The following USP34 variants were observed in gnomAD, a reference collection of about 807,000 sequenced individuals.
USP34 encodes the protein ubiquitin carboxyl-terminal hydrolase 34.
Under a neutral mutation model 460.3 loss-of-function variants are expected in USP34, and 70 were observed. The ratio of observed to expected loss-of-function variants is 0.15; its 90% CI spans 0.13 to 0.19. The LOEUF is 0.19. Ranked by LOEUF, USP34 falls within the 10% of genes least tolerant of loss-of-function variation. The pLI is 1.00. For synonymous variants in USP34, 1,647 were observed against 1,405.3 expected (o/e 1.17, Z -3.85); for missense variants, 3,985 against 4,236.2 (o/e 0.94, Z 1.65).
intron 1 of USP34, among the ~76,000 whole-genome samples, chr2:61,459,602 C>T (rs1026019593): frequency 6.6e-6 from 1 of 151,952 alleles, no homozygotes; most frequent in African/African-American, 2.4e-5. Flanking sequence ...CGGTGAAACC[C>T]CGTCTCTACT....
chr2:61,415,350 G>T (rs1208019809), intron 2 of USP34, among the ~76,000 whole-genome samples: 6 of 152,128 alleles, frequency 3.9e-5, no homozygotes, highest in Non-Finnish European at 1.5e-5. Context: ...TTAACTGAAT[G>T]AAAAGACAGT....
chr2:61,259,887 G>A (rs1417430061), intron 43 of USP34, 111 bp from the exon 44 acceptor site: 12 of 927,640 alleles, frequency 1.3e-5, no homozygotes, highest in Non-Finnish European at 1.7e-5. Context: ...CATTCTTTTG[G>A]CTATATAAAA....
At chr2:61,450,886 C>A (rs369815780) in intron 1 of USP34, among the ~76,000 whole-genome samples, 225 of 127,164 alleles carry the variant, frequency 1.8e-3, no homozygotes, top group Admixed American at 2.1e-3. Context: ...GGAGGAGATG[C>A]AAAAAAAAAA....
Position 61,350,632 on chromosome 2 carries a change from G to T in USP34, c.1313C>A (p.Pro438His). 1 of 1,613,716 alleles carries T rather than the reference G, an allele frequency of 6.2e-7. No individual in the cohort carries two copies. Among genetic ancestry groups the T allele is most frequent in the Non-Finnish European group, 8.5e-7 (1 of 1,179,840 alleles). ...ATTAAGTAGATGTCTAAGTGGTACG[G>T]GATCCAAATTCTTGATGAGTGAAGG... ...LFPSLIKNLD[P>H]VPLRHLLNLV... Residue 438 changes from proline to histidine, a missense_variant, in exon 11 of 80, where the codon CCC becomes CAC. Coordinates refer to ENST00000398571, the MANE Select transcript of USP34 (RefSeq NM_014709.4).
intron 75 of USP34, among the ~76,000 whole-genome samples, chr2:61,202,000 T>A (rs943368962): frequency 6.6e-6 from 1 of 152,118 alleles, no homozygotes; most frequent in Non-Finnish European, 1.5e-5. Context: ...TATATTCTCA[T>A]CCCCCTACAT....
At chr2:61,223,939 T>A (rs1572848642) in intron 62 of USP34, among the ~76,000 whole-genome samples, 1 of 152,198 alleles carries the variant, frequency 6.6e-6, no homozygotes, top group Admixed American at 6.5e-5. Flanking sequence ...CTTGTTTCAT[T>A]TGAACCCCCA....
At chr2:61,467,901 G>C (rs189966841) in intron 1 of USP34, among the ~76,000 whole-genome samples, 1 of 152,030 alleles carries the variant, frequency 6.6e-6, no homozygotes, top group South Asian at 2.1e-4. Flanking sequence ...GAATACAGGC[G>C]TGAGCTGTAT....
At chr2:61,339,714 AGAG>A in intron 16 of USP34, 33 bp from the exon 17 acceptor site, 1 of 1,184,576 alleles carries the variant, frequency 8.4e-7, no homozygotes, top group Non-Finnish European at 1.1e-6. Flanking sequence ...GACACACTAT[AGAG>A]AAATGCAGCT....
intron 30 of USP34, among the ~76,000 whole-genome samples, chr2:61,296,084 C>G (rs1301403978): frequency 6.6e-6 from 1 of 151,924 alleles, no homozygotes; most frequent in Non-Finnish European, 1.5e-5. Context: ...AACGGTGAAA[C>G]CCTGTCTCTA....
At chr2:61,406,175 G>A (rs1573009972) in intron 2 of USP34, 47 bp from the exon 3 acceptor site, 3 of 1,386,688 alleles carry the variant, frequency 2.2e-6, no homozygotes, top group Non-Finnish European at 2.9e-6. Context: ...AGCAGCAGCT[G>A]TATTTTTTAA....
At chr2:61,359,946 G>C (rs963057064) in intron 10 of USP34, among the ~76,000 whole-genome samples, 7 of 151,650 alleles carry the variant, frequency 4.6e-5, no homozygotes, top group African/African-American at 1.7e-4. Flanking sequence ...CACCACACCA[G>C]GCTAATTTTT....
In USP34 at chr2:61,370,541, T is replaced by C. The variant is rs375862183; in HGVS notation, c.1115A>G (p.Asn372Ser). 197 of 1,613,862 alleles carry C rather than the reference T, an allele frequency of 1.2e-4. No homozygotes were observed. In the South Asian group the frequency reaches 1.4e-3, roughly 12 times the overall value. Residue 372 changes from asparagine (N) to serine (S), a missense_variant, in exon 9 of 80, where the codon AAC (asparagine) becomes AGC (serine). Physicochemically the swap from Asn to Ser is conservative, Grantham distance 46 (BLOSUM62 1). Transcript: ENST00000398571. ...TCCAAATATATGCTCCACCACATTG[T>C]TGCTAATAAGCCAGTCTGCAAGTTC... is the stretch of plus-strand genomic sequence containing the variant. ...AKELADWLIS[N>S]NVVEHIFGPN...
chr2:61,287,755 G>A (rs893724184), intron 34 of USP34, among the ~76,000 whole-genome samples: 2 of 152,094 alleles, frequency 1.3e-5, no homozygotes, highest in Non-Finnish European at 2.9e-5. Flanking sequence ...TTTGTTATTG[G>A]TAAGGCTTCT....
chr2:61,263,430 C>T (rs1688955564), intron 43 of USP34, among the ~76,000 whole-genome samples: 1 of 151,850 alleles, frequency 6.6e-6, no homozygotes, highest in South Asian at 2.1e-4. Flanking sequence ...ATCCGCCCGC[C>T]TCGGCCTTCC....
intron 50 of USP34, among the ~76,000 whole-genome samples, chr2:61,245,771 A>C (rs1688402055): frequency 1.3e-5 from 2 of 152,028 alleles, no homozygotes; most frequent in Non-Finnish European, 2.9e-5. Context: ...ACAATTGTAC[A>C]TTTTCTTCAA....
rs558514913 is a variant in USP34 at position 61,280,329 on chromosome 2, T to G, written c.5171A>C (p.Glu1724Ala). Residue 1724 changes from glutamate to alanine, a missense_variant, in exon 39 of 80, where the codon GAA becomes GCA. Physicochemically the swap from Glu to Ala is moderately radical, Grantham distance 107. Around this residue, in one of 14 missense-constraint regions of USP34, gnomAD observed 1,114 missense variants for 1,122.5 expected, o/e 0.99. Transcript: ENST00000398571. ...TTTACATCCTGGTTTTAATATTGGTTCTTCCTCATAATCATCTATCTATTA... is the reference window on the plus strand; with the variant it reads ...TTTACATCCTGGTTTTAATATTGGTGCTTCCTCATAATCATCTATCTATTA... ...KPIRIDDYEE[E>A]PILKPGCKEY... 6.5e-7 allele frequency: 1 copy of G among 1,534,760 alleles called. No individual in the cohort carries two copies. The highest frequency in any genetic ancestry group is 2.0e-5 in the Admixed American group (1 of 49,850).
chr2:61,374,163 A>G lies in USP34; in HGVS notation c.1077-3584T>C, dbSNP rs913303719. Among the ~76,000 whole-genome samples, 7 of 151,066 alleles carry G rather than the reference A, an allele frequency of 4.6e-5. 1 individual carries two copies. Among genetic ancestry groups the G allele is most frequent in the East Asian group, 1.9e-4 (1 of 5,146 alleles). On this transcript the variant is annotated intron_variant, in intron 8 of 79. Coordinates refer to ENST00000398571, the MANE Select transcript of USP34 (RefSeq NM_014709.4). ...AGAGCGAGACTCCATCTCAGGGAAA[A>G]AAAAAAAAAAAAAAACAGAGAAAAT...
At chr2:61,195,087 G>A (rs1411732555) in intron 75 of USP34, among the ~76,000 whole-genome samples, 1 of 152,048 alleles carries the variant, frequency 6.6e-6, no homozygotes, top group Non-Finnish European at 1.5e-5. Context: ...GGGTGTGGTG[G>A]CACACACCTG....
intron 10 of USP34, among the ~76,000 whole-genome samples, chr2:61,369,030 C>T (rs1230163489): frequency 6.6e-6 from 1 of 151,872 alleles, no homozygotes; most frequent in Non-Finnish European, 1.5e-5. Flanking sequence ...TGAACAATTC[C>T]AGAAAAAGCA....
Sources: gnomAD v4.1 joint callset for allele counts (sites outside exome capture counted in the v4.1 genomes callset) on GRCh38, gnomAD v4.1.1 for gene constraint, gnomAD v4.1.1 regional missense constraint, MANE v1.5 for transcripts, NCBI Gene and HGNC (gene_info 2026-07-23, HGNC 2026-07-21) for gene names.